The following ARHGAP42 variants were observed in gnomAD, a reference collection of about 807,000 sequenced individuals.
ARHGAP42 encodes the protein Rho GTPase activating protein 42, also known as rho GTPase-activating protein 42.
Under a neutral mutation model 125.0 loss-of-function variants are expected in ARHGAP42, and 63 were observed. The observed-to-expected ratio is 0.50, with a 90% CI of 0.41 to 0.62. The LOEUF (loss-of-function observed/expected upper bound fraction) is 0.62. ARHGAP42 is among the 20% of genes least tolerant of loss of function. The probability of loss-of-function intolerance (pLI) is 0.00; values close to 1 mark genes in which losing one functional copy is unlikely to be tolerated. For synonymous variants in ARHGAP42, 339 were observed against 351.0 expected (o/e 0.97, Z 0.38); for missense variants, 766 against 1,024.2 (o/e 0.75, Z 3.44).
chr11:100,831,820 C>T (rs1252388145), intron 3 of ARHGAP42, among the ~76,000 whole-genome samples: 1 of 152,200 alleles, frequency 6.6e-6, no homozygotes, highest in African/African-American at 2.4e-5. Context: ...AAATATATTT[C>T]TTCACTGGGA....
intron 1 of ARHGAP42, among the ~76,000 whole-genome samples, chr11:100,697,824 C>T (rs1861313374): frequency 6.6e-6 from 1 of 152,020 alleles, no homozygotes; most frequent in African/African-American, 2.4e-5. Context: ...ATTTAATTTC[C>T]TTATTCCTTA....
intron 2 of ARHGAP42, among the ~76,000 whole-genome samples, chr11:100,771,677 C>T (rs574817564): frequency 6.6e-6 from 1 of 152,040 alleles, no homozygotes; most frequent in Non-Finnish European, 1.5e-5. Flanking sequence ...CGGCTCACTG[C>T]ACCCTCCGCT....
chr11:100,774,973 C>G (rs1863083195), intron 2 of ARHGAP42, among the ~76,000 whole-genome samples: 1 of 152,032 alleles, frequency 6.6e-6, no homozygotes, highest in Admixed American at 6.6e-5. Context: ...TCCTGTGGCT[C>G]AGAGAGCAGG....
intron 1 of ARHGAP42, among the ~76,000 whole-genome samples, chr11:100,715,578 A>G (rs1336780517): frequency 1.3e-5 from 2 of 152,212 alleles, no homozygotes; most frequent in Non-Finnish European, 2.9e-5. Flanking sequence ...CTGTCTCACA[A>G]GACTCATCCT....
chr11:100,962,368 G>T (rs749216653), intron 15 of ARHGAP42, 41 bp from the exon 16 acceptor site: 4 of 1,497,426 alleles, frequency 2.7e-6, no homozygotes, highest in Non-Finnish European at 3.6e-6. Flanking sequence ...GAGAATAAAA[G>T]ATTCTACTAT....
intron 19 of ARHGAP42, among the ~76,000 whole-genome samples, chr11:100,975,259 C>T (rs1216196255): frequency 5.3e-5 from 8 of 152,076 alleles, no homozygotes; most frequent in East Asian, 1.9e-4. Context: ...CCTGAGGAGA[C>T]GGATACTCCA....
intron 1 of ARHGAP42, among the ~76,000 whole-genome samples, chr11:100,756,674 T>C (rs1216058329): frequency 3.9e-5 from 6 of 152,214 alleles, no homozygotes; most frequent in Non-Finnish European, 5.9e-5. Context: ...TGCAGTAAGA[T>C]GATAATTAGA....
intron 3 of ARHGAP42, among the ~76,000 whole-genome samples, chr11:100,844,983 G>T (rs1865027650): frequency 6.6e-6 from 1 of 151,956 alleles, no homozygotes; most frequent in Non-Finnish European, 1.5e-5. Flanking sequence ...AAAGATACTT[G>T]CACACACATG....
chr11:100,753,583 C>A (rs1039833220), intron 1 of ARHGAP42, among the ~76,000 whole-genome samples: 1 of 152,218 alleles, frequency 6.6e-6, no homozygotes, highest in Admixed American at 6.5e-5. Flanking sequence ...CTTCTTTCAA[C>A]CTGCTGCCAC....
chr11:100,921,263 TTTTTTTTTTTA>T (rs1565276903), intron 5 of ARHGAP42, among the ~76,000 whole-genome samples: 1 of 122,830 alleles, frequency 8.1e-6, no homozygotes. Context: ...TTTTTTTTTT[TTTTTTTTTTTA>T]CTGCAATGGG....
intron 1 of ARHGAP42, among the ~76,000 whole-genome samples, chr11:100,730,802 G>C (rs1207372653): frequency 2.0e-5 from 3 of 152,164 alleles, no homozygotes; most frequent in African/African-American, 4.8e-5. Context: ...TGCACACCTA[G>C]GCTATATGAT....
intron 4 of ARHGAP42, among the ~76,000 whole-genome samples, chr11:100,884,232 C>G (rs911617419): frequency 2.0e-5 from 3 of 152,102 alleles, no homozygotes; most frequent in African/African-American, 7.2e-5. Flanking sequence ...GCTCAAGTTA[C>G]TGTTTCAGCA....
At chr11:100,954,897 T>C (rs965444830) in intron 12 of ARHGAP42, among the ~76,000 whole-genome samples, 1 of 152,178 alleles carries the variant, frequency 6.6e-6, no homozygotes, top group East Asian at 1.9e-4. Flanking sequence ...CAGCATGATA[T>C]TAGTTATCTG....
At chr11:100,931,355 GTTT>G (rs1867578408) in intron 6 of ARHGAP42, among the ~76,000 whole-genome samples, 1 of 152,178 alleles carries the variant, frequency 6.6e-6, no homozygotes, top group Non-Finnish European at 1.5e-5. Context: ...TTTGTTAGAA[GTTT>G]TAGCAATGTT....
intron 4 of ARHGAP42, among the ~76,000 whole-genome samples, chr11:100,866,455 G>A (rs1021248487): frequency 2.6e-5 from 4 of 152,272 alleles, no homozygotes; most frequent in Non-Finnish European, 5.9e-5. Context: ...GACAATGATA[G>A]CCTTATTGTA....
intron 2 of ARHGAP42, among the ~76,000 whole-genome samples, chr11:100,779,191 A>T (rs1300707367): frequency 6.6e-6 from 1 of 151,982 alleles, no homozygotes; most frequent in Admixed American, 6.6e-5. Context: ...TCACGCCTGT[A>T]ATCCCAGCAC....
chr11:100,888,144 A>G (rs1222267572), intron 4 of ARHGAP42, among the ~76,000 whole-genome samples: 1 of 152,188 alleles, frequency 6.6e-6, no homozygotes, highest in Non-Finnish European at 1.5e-5. Context: ...AGTATTTCAC[A>G]TAAGAAGGTA....
chr11:100,725,191 A>C (rs996999943), intron 1 of ARHGAP42, among the ~76,000 whole-genome samples: 11 of 144,450 alleles, frequency 7.6e-5, no homozygotes, highest in African/African-American at 2.8e-4. Context: ...TTTTTTTTGG[A>C]GACAGAGTCT....
At chr11:100,772,571 C>G (rs1167237410) in intron 2 of ARHGAP42, among the ~76,000 whole-genome samples, 6 of 152,134 alleles carry the variant, frequency 3.9e-5, no homozygotes, top group Non-Finnish European at 7.3e-5. Context: ...GGAGAGCCCT[C>G]CCACATGCAT....
Sources: gnomAD v4.1 joint callset for allele counts (sites outside exome capture counted in the v4.1 genomes callset) on GRCh38, gnomAD v4.1.1 for gene constraint, MANE v1.5 for transcripts, NCBI Gene and HGNC (gene_info 2026-07-23, HGNC 2026-07-21) for gene names.